Variants in EFCAB5 observed in about 807,000 individuals in gnomAD.
The protein encoded by EFCAB5 is EF-hand calcium binding domain 5, also known as EF-hand calcium-binding domain-containing protein 5.
EFCAB5 carries 131 observed loss-of-function variants against 167.9 expected under a neutral mutation model. The ratio of observed to expected loss-of-function variants is 0.78; its 90% CI spans 0.68 to 0.90. The LOEUF (loss-of-function observed/expected upper bound fraction) is 0.90. Ranked by LOEUF, EFCAB5 falls within the 40% of genes least tolerant of loss-of-function variation. The pLI is 0.00. For synonymous variants in EFCAB5, 574 were observed against 602.8 expected (o/e 0.95, Z 0.70); for missense variants, 1,663 against 1,745.2 (o/e 0.95, Z 0.84).
chr17:30,046,364 A>T (rs2069928998), intron 8 of EFCAB5, among the ~76,000 whole-genome samples: 1 of 152,174 alleles, frequency 6.6e-6, no homozygotes, highest in Non-Finnish European at 1.5e-5. Context: ...CCCTGGGGTT[A>T]TCAGTGGGTG....
chr17:30,045,926 C>T (rs1177617398), intron 8 of EFCAB5, among the ~76,000 whole-genome samples: 1 of 151,950 alleles, frequency 6.6e-6, no homozygotes, highest in East Asian at 1.9e-4. Flanking sequence ...CCTGTAGTCC[C>T]AGCTATTCAG....
chr17:30,015,161 G>A (rs970483909), intron 7 of EFCAB5, among the ~76,000 whole-genome samples: 2 of 152,192 alleles, frequency 1.3e-5, no homozygotes, highest in African/African-American at 2.4e-5. Flanking sequence ...TTTCTGCTGA[G>A]AGATCTGCTG....
intron 7 of EFCAB5, among the ~76,000 whole-genome samples, chr17:30,029,624 A>G (rs1238650887): frequency 6.6e-6 from 1 of 151,484 alleles, no homozygotes; most frequent in Non-Finnish European, 1.5e-5. Context: ...CCCACAGGCT[A>G]TAGGAACACA....
intron 19 of EFCAB5, 63 bp from the exon 20 acceptor site, chr17:30,090,358 T>C (rs8065059): frequency 0.54 from 848,685 of 1,557,996 alleles, 239,341 homozygotes; most frequent in African/African-American, 0.87. Flanking sequence ...CAATATGTTT[T>C]GGTGGAATGA....
chr17:30,015,747 T>A (rs1233090015), intron 7 of EFCAB5, among the ~76,000 whole-genome samples: 1 of 150,040 alleles, frequency 6.7e-6, no homozygotes, highest in African/African-American at 2.5e-5. Flanking sequence ...TTATTGTTCT[T>A]ATTGGTTATT....
At chr17:30,069,792 G>A (rs1483364402) in intron 14 of EFCAB5, among the ~76,000 whole-genome samples, 1 of 152,158 alleles carries the variant, frequency 6.6e-6, no homozygotes. Context: ...TCAGACAGAC[G>A]GACATATTCC....
At chr17:30,068,057 G>A (rs2070623799) in intron 14 of EFCAB5, among the ~76,000 whole-genome samples, 1 of 152,240 alleles carries the variant, frequency 6.6e-6, no homozygotes, top group African/African-American at 2.4e-5. Context: ...TGTAATCCCA[G>A]GACTTTGGGA....
At chr17:29,993,104 C>T (rs1479085958) in intron 4 of EFCAB5, 61 bp from the exon 5 acceptor site, 7 of 1,439,708 alleles carry the variant, frequency 4.9e-6, no homozygotes, top group Non-Finnish European at 6.4e-6. Flanking sequence ...TTCCTGTGTT[C>T]CAATCTGGAC....
intron 4 of EFCAB5, among the ~76,000 whole-genome samples, chr17:29,987,756 C>T (rs1257337676): frequency 1.3e-5 from 2 of 152,126 alleles, no homozygotes; most frequent in Non-Finnish European, 2.9e-5. Context: ...GTAACTAGAG[C>T]TTGTCTAGTA....
chr17:30,071,754 T>C (rs150167362), intron 14 of EFCAB5, among the ~76,000 whole-genome samples: 1 of 152,284 alleles, frequency 6.6e-6, no homozygotes, highest in East Asian at 1.9e-4. Context: ...TAAGTGTCTA[T>C]CAACAGATGA....
Position 30,057,686 on chromosome 17 carries a change from A to G in EFCAB5, c.2376A>G (p.Ser792=). 6.2e-7 allele frequency: 1 copy of G among 1,612,502 alleles called. No homozygotes were observed. Among genetic ancestry groups the G allele is most frequent in the Non-Finnish European group, 8.5e-7 (1 of 1,178,868 alleles). The change falls in exon 13 of 23, where the codon TCA becomes TCG. Residue 792 remains serine (S), a synonymous_variant. Transcript: ENST00000394835. The part of the protein sequence containing the change: ...YGNSRFTDLH[S]IIRNIQSCKE... ...TTTCTTGCTTGACAGATTTACACTCAATTATCAGAAATATTCAGTCTTGCA... is the reference window on the plus strand; with the variant it reads ...TTTCTTGCTTGACAGATTTACACTCGATTATCAGAAATATTCAGTCTTGCA...
chr17:30,055,446 A>G (rs1567746226), intron 10 of EFCAB5, among the ~76,000 whole-genome samples: 1 of 152,226 alleles, frequency 6.6e-6, no homozygotes, highest in East Asian at 1.9e-4. Context: ...TAAAATTTAC[A>G]GTAAGAACAA....
At chr17:30,101,731 C>T (rs992734020) in intron 22 of EFCAB5, among the ~76,000 whole-genome samples, 54 of 152,176 alleles carry the variant, frequency 3.5e-4, no homozygotes, top group African/African-American at 1.3e-3. Context: ...GGTGTGGTAA[C>T]CGGAGGAGGA....
rs1206728769 is a variant in EFCAB5, at chr17:29,993,239, T to C, written c.842T>C (p.Val281Ala). ...RESIDKIIVK[V>A]ANTRKQALQE... Reference sequence around the variant, plus strand: ...AGCATAGACAAAATCATAGTCAAGGTGGCCAACACACGGAAACAGGCTCTG... The same window carrying C: ...AGCATAGACAAAATCATAGTCAAGGCGGCCAACACACGGAAACAGGCTCTG... The change falls in exon 5 of 23, where the codon GTG (valine) becomes GCG (alanine). Residue 281 changes from valine (V) to alanine (A), a missense_variant. Coordinates refer to ENST00000394835, the MANE Select transcript of EFCAB5 (RefSeq NM_198529.4). The C allele has an allele frequency of 4.3e-6, 7 of 1,613,766 alleles. No individual in the cohort carries two copies. The highest frequency in any genetic ancestry group is 5.9e-6 in the Non-Finnish European group (7 of 1,179,800).
At chr17:29,954,804 C>CA (rs1353510148) in intron 3 of EFCAB5, among the ~76,000 whole-genome samples, 1 of 152,244 alleles carries the variant, frequency 6.6e-6, no homozygotes, top group East Asian at 1.9e-4. Context: ...CCTGTGAAAG[C>CA]AGCCAGAAGG....
At chr17:30,086,209 T>C (rs1016121960) in intron 18 of EFCAB5, among the ~76,000 whole-genome samples, 15 of 152,112 alleles carry the variant, frequency 9.9e-5, no homozygotes, top group African/African-American at 3.6e-4. Flanking sequence ...TTAATTGAAT[T>C]TGTGTTTCCT....
At chr17:29,996,983 C>T (rs1018696622) in intron 6 of EFCAB5, among the ~76,000 whole-genome samples, 2 of 152,136 alleles carry the variant, frequency 1.3e-5, no homozygotes, top group African/African-American at 2.4e-5. Context: ...CAGTGGCTCA[C>T]GCCTGTAATC....
chr17:30,053,615 T>C lies in EFCAB5; in HGVS notation c.1661T>C (p.Leu554Pro). The change falls in exon 10 of 23, where the codon CTA (leucine) becomes CCA (proline). Residue 554 changes from leucine to proline, a missense_variant. Coordinates refer to ENST00000394835, the MANE Select transcript of EFCAB5 (RefSeq NM_198529.4). ...IEPGTHTEST[L>P]EQGSSRRLLT... ...CCAGGAACACACACAGAGTCAACTC[T>C]AGAACAAGGGTCAAGTAGAAGGTTA... is the stretch of plus-strand genomic sequence containing the variant. 1 of 1,613,850 alleles carries C rather than the reference T, an allele frequency of 6.2e-7. No homozygotes were observed. Among genetic ancestry groups the C allele is most frequent in the Non-Finnish European group, 8.5e-7 (1 of 1,179,846 alleles).
At chr17:30,011,289 C>T (rs1424403361) in intron 7 of EFCAB5, among the ~76,000 whole-genome samples, 1 of 152,142 alleles carries the variant, frequency 6.6e-6, no homozygotes. Context: ...GCGATGCAGG[C>T]TCTGTTTTGA....
Sources: allele counts gnomAD v4.1 joint callset (sites outside exome capture counted in the v4.1 genomes callset), GRCh38; gene constraint gnomAD v4.1.1; transcripts MANE v1.5; gene names NCBI Gene and HGNC (gene_info 2026-07-23, HGNC 2026-07-21).